SEMA3A: variants seen among roughly 807,000 people sequenced by gnomAD.
SEMA3A encodes the protein semaphorin 3A, also known as semaphorin-3A.
Under a neutral mutation model 97.9 loss-of-function variants are expected in SEMA3A, and 29 were observed. That is an observed-to-expected ratio of 0.30 (90% confidence interval 0.22 to 0.40). The LOEUF (loss-of-function observed/expected upper bound fraction) is 0.40, where lower values mean the gene tolerates loss of function less well. SEMA3A is among the 10% of genes least tolerant of loss of function. SEMA3A has a pLI of 1.00. For missense variants in SEMA3A, 763 were observed against 951.3 expected (o/e 0.80, Z 2.60); for synonymous variants, 321 against 323.7 (o/e 0.99, Z 0.09).
At chr7:84,007,315 T>C (rs1790706237) in intron 10 of SEMA3A, 38 bp downstream of exon 10, 9 of 1,520,014 alleles carry the variant, frequency 5.9e-6, no homozygotes, top group Non-Finnish European at 8.0e-6. Flanking sequence ...TTGGCAGAAA[T>C]ATATTCATTT....
At chr7:84,443,394 T>G (rs2116345403) in intron 1 of SEMA3A, among the ~76,000 whole-genome samples, 1 of 152,336 alleles carries the variant, frequency 6.6e-6, no homozygotes, top group East Asian at 1.9e-4. Flanking sequence ...ATTAGCCATT[T>G]TGTCCATTCC....
intron 3 of SEMA3A, among the ~76,000 whole-genome samples, chr7:84,227,516 A>G (rs1475071573): frequency 6.6e-6 from 1 of 152,082 alleles, no homozygotes; most frequent in Non-Finnish European, 1.5e-5. Context: ...TTCTCAATTT[A>G]TTCAATTGAA....
At chr7:84,049,791 G>A (rs1792527191) in intron 5 of SEMA3A, among the ~76,000 whole-genome samples, 1 of 149,474 alleles carries the variant, frequency 6.7e-6, no homozygotes, top group Admixed American at 6.7e-5. Context: ...GTATACATGT[G>A]CCATGCTGGT....
rs1159187937 is a variant in SEMA3A at position 84,005,474 on chromosome 7, T to G, written c.1225A>C (p.Met409Leu). ...TTCATAGGAAACACTGGATTGTACATGGCTGGATGACTTCTTGCAAAGGTT... is the reference window on the plus strand; with the variant it reads ...TTCATAGGAAACACTGGATTGTACAGGGCTGGATGACTTCTTGCAAAGGTT... ...VITFARSHPAMYNPVFPMNNR... is the reference protein window; with the variant it reads ...VITFARSHPALYNPVFPMNNR... Residue 409 changes from methionine (M) to leucine (L), a missense_variant, in exon 11 of 17, where the codon ATG (methionine) becomes CTG (leucine). Physicochemically the swap from Met to Leu is conservative, Grantham distance 15. This residue lies in a region of SEMA3A where 678 missense variants were observed against 881.3 expected (regional missense o/e 0.77). Transcript: ENST00000265362. 2.5e-6 allele frequency: 4 copies of G among 1,614,042 alleles called. No homozygotes were observed. The highest frequency in any genetic ancestry group is 3.4e-6 in the Non-Finnish European group (4 of 1,179,916).
In SEMA3A at chr7:84,303,549, T is replaced by C. The variant is rs113039122; in HGVS notation, c.-83+3658A>G. On this transcript the variant is annotated intron_variant, in intron 3 of 3. Coordinates refer to the SEMA3A transcript ENST00000424555. The stretch of plus-strand genomic sequence containing the variant: ...GGTGAACATATTGACTAGTCTTCAT[T>C]TGAAAAAAAAAAAGGTATTAGTTTG... Among the ~76,000 whole-genome samples the C allele has an allele frequency of 2.6e-5, 4 of 151,718 alleles. 1 individual carries two copies. Among genetic ancestry groups the C allele is most frequent in the African/African-American group, 9.7e-5 (4 of 41,352 alleles).
At chr7:84,076,854 A>G (rs1464488705) in intron 4 of SEMA3A, among the ~76,000 whole-genome samples, 1 of 152,112 alleles carries the variant, frequency 6.6e-6, no homozygotes, top group African/African-American at 2.4e-5. Flanking sequence ...AAGGGACCTG[A>G]ATTTACCTGG....
At chr7:84,082,587 C>G (rs922647104) in intron 4 of SEMA3A, among the ~76,000 whole-genome samples, 18 of 151,856 alleles carry the variant, frequency 1.2e-4, no homozygotes, top group African/African-American at 4.4e-4. Context: ...AGACACTATT[C>G]CTTACTTTAA....
chr7:84,042,005 T>C (rs865977823), intron 6 of SEMA3A, among the ~76,000 whole-genome samples: 1 of 152,130 alleles, frequency 6.6e-6, no homozygotes, highest in Non-Finnish European at 1.5e-5. Context: ...GCTGTACAAG[T>C]GTACAAGTGA....
At chr7:84,226,158 G>A (rs1304238847) in intron 3 of SEMA3A, among the ~76,000 whole-genome samples, 1 of 152,126 alleles carries the variant, frequency 6.6e-6, no homozygotes, top group East Asian at 1.9e-4. Context: ...TATTCCAGGG[G>A]TGAGGAATCA....
intron 4 of SEMA3A, among the ~76,000 whole-genome samples, chr7:84,083,737 G>C (rs749329161): frequency 6.6e-6 from 1 of 151,928 alleles, no homozygotes; most frequent in Non-Finnish European, 1.5e-5. Flanking sequence ...TGACTTTTAA[G>C]TAATAAAGAC....
intron 2 of SEMA3A, among the ~76,000 whole-genome samples, chr7:84,341,136 A>G (rs868148044): frequency 1.3e-5 from 2 of 152,190 alleles, no homozygotes; most frequent in Middle Eastern, 3.2e-3. Context: ...ATAATTTAAC[A>G]AGTAAAGTTT....
intron 1 of SEMA3A, among the ~76,000 whole-genome samples, chr7:84,136,989 GA>G (rs1796148471): frequency 6.6e-6 from 1 of 150,582 alleles, no homozygotes; most frequent in African/African-American, 2.5e-5. Flanking sequence ...AGGAAGGAAG[GA>G]AGGAAGGAAG....
intron 12 of SEMA3A, among the ~76,000 whole-genome samples, chr7:83,990,202 T>C (rs1342145202): frequency 1.3e-5 from 2 of 152,012 alleles, no homozygotes; most frequent in Non-Finnish European, 2.9e-5. Context: ...GAGTTCATTG[T>C]AGATTCTGGA....
chr7:84,006,469 G>A (rs1158065624), intron 10 of SEMA3A, among the ~76,000 whole-genome samples: 1 of 151,730 alleles, frequency 6.6e-6, no homozygotes, highest in East Asian at 2.0e-4. Context: ...AAGCAGAAGA[G>A]ATAATGGCCC....
At chr7:84,348,304 T>C (rs1387265553) in intron 2 of SEMA3A, among the ~76,000 whole-genome samples, 1 of 152,146 alleles carries the variant, frequency 6.6e-6, no homozygotes, top group Non-Finnish European at 1.5e-5. Context: ...TACTAAATAT[T>C]TGTTAATATG....
intron 3 of SEMA3A, among the ~76,000 whole-genome samples, chr7:84,256,243 G>A (rs187318593): frequency 3.0e-4 from 46 of 152,174 alleles, no homozygotes; most frequent in African/African-American, 1.1e-3. Context: ...AATTTGTGAA[G>A]TGAATGTAGT....
At chr7:84,412,834 GT>G (rs1804307317) in intron 1 of SEMA3A, among the ~76,000 whole-genome samples, 1 of 152,050 alleles carries the variant, frequency 6.6e-6, no homozygotes, top group Non-Finnish European at 1.5e-5. Flanking sequence ...CCCAGCTATA[GT>G]TTTTTAGATA....
At chr7:84,380,419 C>A (rs367990561) in intron 1 of SEMA3A, among the ~76,000 whole-genome samples, 3 of 152,044 alleles carry the variant, frequency 2.0e-5, no homozygotes, top group South Asian at 2.1e-4. Flanking sequence ...CACAGAAGTT[C>A]TTTTGTGTGA....
At chr7:84,429,077 G>A (rs1192839422) in intron 1 of SEMA3A, among the ~76,000 whole-genome samples, 1 of 151,978 alleles carries the variant, frequency 6.6e-6, no homozygotes, top group Non-Finnish European at 1.5e-5. Flanking sequence ...GAAGTCATGA[G>A]GAATCCAAGA....
Sources: allele counts gnomAD v4.1 joint callset (sites outside exome capture counted in the v4.1 genomes callset), GRCh38; gene constraint gnomAD v4.1.1; regional missense constraint gnomAD v4.1.1; transcripts MANE v1.5; gene names NCBI Gene and HGNC (gene_info 2026-07-23, HGNC 2026-07-21).